RORA: variants seen among roughly 807,000 people sequenced by gnomAD.
The protein encoded by RORA is nuclear receptor ROR-alpha.
In RORA, 7 loss-of-function variants were observed where a neutral mutation model predicts 69.5. The observed-to-expected ratio is 0.10, with a 90% CI of 0.06 to 0.19. The LOEUF (loss-of-function observed/expected upper bound fraction) is 0.19, where lower values mean the gene tolerates loss of function less well. Ranked by LOEUF, RORA falls within the 10% of genes least tolerant of loss-of-function variation. The probability of loss-of-function intolerance (pLI) is 1.00; values close to 1 mark genes in which losing one functional copy is unlikely to be tolerated. For synonymous variants in RORA, 261 were observed against 240.8 expected (o/e 1.08, Z -0.78); for missense variants, 457 against 663.0 (o/e 0.69, Z 3.41).
chr15:60,906,542 CCT>C (rs895490594), intron 1 of RORA, among the ~76,000 whole-genome samples: 1 of 152,190 alleles, frequency 6.6e-6, no homozygotes, highest in African/African-American at 2.4e-5. Flanking sequence ...GAAATCTCTC[CCT>C]CTCTCAGATA....
intron 1 of RORA, among the ~76,000 whole-genome samples, chr15:61,110,016 C>T (rs1322240293): frequency 6.7e-6 from 1 of 150,160 alleles, no homozygotes; most frequent in Non-Finnish European, 1.5e-5. Context: ...GTGATGTAGC[C>T]ATCAAAATGT....
Position 60,913,111 on chromosome 15 carries a change from C to T in RORA, c.167-234425G>A, listed in dbSNP as rs1891776140. Among the ~76,000 whole-genome samples, 4 of 152,244 alleles carry T rather than the reference C, an allele frequency of 2.6e-5. No individual in the cohort carries two copies. The South Asian group carries it at 8.3e-4, about 32-fold the overall frequency. ...GATAATCTGCCTAAAGTAGGCTCCACAAAACACTGGGTAAGGGCAGCCACG... is the reference window on the plus strand; with the variant it reads ...GATAATCTGCCTAAAGTAGGCTCCATAAAACACTGGGTAAGGGCAGCCACG... On this transcript the variant is annotated intron_variant, in intron 1 of 10. Transcript: ENST00000335670.
chr15:61,088,090 G>A (rs1776337426), intron 1 of RORA, among the ~76,000 whole-genome samples: 1 of 152,206 alleles, frequency 6.6e-6, no homozygotes, highest in Non-Finnish European at 1.5e-5. Context: ...GCCAGGTGCT[G>A]GGCTAGGCTC....
At chr15:61,036,194 G>A (rs1050574748) in intron 1 of RORA, among the ~76,000 whole-genome samples, 4 of 152,160 alleles carry the variant, frequency 2.6e-5, no homozygotes, top group Admixed American at 1.3e-4. Context: ...GAAAATTCCC[G>A]CAAGGAGGTC....
At chr15:60,613,780 G>A (rs1416587866) in intron 2 of RORA, among the ~76,000 whole-genome samples, 1 of 139,150 alleles carries the variant, frequency 7.2e-6, no homozygotes, top group Non-Finnish European at 1.5e-5. Context: ...AAAAAAAAAA[G>A]GTGTCAAAGG....
At chr15:60,699,845 TA>T (rs372408592) in intron 1 of RORA, among the ~76,000 whole-genome samples, 6,523 of 145,908 alleles carry the variant, frequency 0.045, 201 homozygotes, top group Non-Finnish European at 0.061. Flanking sequence ...CTGATTCTAT[TA>T]AAAAAAAAAA....
chr15:60,794,556 AG>A (rs1363208020), intron 1 of RORA, among the ~76,000 whole-genome samples: 5 of 152,228 alleles, frequency 3.3e-5, no homozygotes, highest in Non-Finnish European at 7.3e-5. Flanking sequence ...GCTTGCTTTT[AG>A]ATATCCAAAG....
intron 2 of RORA, among the ~76,000 whole-genome samples, chr15:60,542,194 C>T (rs1215966470): frequency 2.0e-5 from 3 of 152,170 alleles, no homozygotes; most frequent in African/African-American, 2.4e-5. Flanking sequence ...CATTTCACAT[C>T]GGATGGAAAC....
chr15:60,569,061 T>C (rs2067799482), intron 2 of RORA, among the ~76,000 whole-genome samples: 1 of 152,028 alleles, frequency 6.6e-6, no homozygotes, highest in African/African-American at 2.4e-5. Context: ...CTCTATCTTC[T>C]GGCATTTAGA....
At chr15:60,548,919 C>CCA in intron 2 of RORA, among the ~76,000 whole-genome samples, 1 of 152,222 alleles carries the variant, frequency 6.6e-6, no homozygotes, top group East Asian at 1.9e-4. Flanking sequence ...GCCACCGCGC[C>CCA]TGGCCAATAG....
intron 1 of RORA, among the ~76,000 whole-genome samples, chr15:60,851,164 A>T (rs556348370): frequency 6.6e-6 from 1 of 152,326 alleles, no homozygotes; most frequent in East Asian, 1.9e-4. Flanking sequence ...ACATATACAC[A>T]CATAAATAGA....
chr15:60,926,498 G>C (rs1294246805), intron 1 of RORA, among the ~76,000 whole-genome samples: 3 of 152,226 alleles, frequency 2.0e-5, no homozygotes, highest in South Asian at 2.1e-4. Flanking sequence ...CAGTGAAACA[G>C]AACATCGAAT....
At chr15:60,793,848 C>T (rs1241690890) in intron 1 of RORA, among the ~76,000 whole-genome samples, 2 of 152,184 alleles carry the variant, frequency 1.3e-5, no homozygotes, top group East Asian at 1.9e-4. Flanking sequence ...TAGCCTTCCT[C>T]AGTCCTGATG....
intron 1 of RORA, among the ~76,000 whole-genome samples, chr15:60,900,666 A>G (rs59895179): frequency 0.022 from 3,357 of 152,138 alleles, 115 homozygotes; most frequent in African/African-American, 0.077. Flanking sequence ...GAGGTCAAGA[A>G]ATCGAGACCA....
chr15:60,735,881 C>T (rs1324724670), intron 1 of RORA, among the ~76,000 whole-genome samples: 1 of 152,216 alleles, frequency 6.6e-6, no homozygotes, highest in African/African-American at 2.4e-5. Context: ...AAGGTCAACT[C>T]ACCATTGGAG....
At chr15:60,969,798 G>A (rs1302409728) in intron 1 of RORA, among the ~76,000 whole-genome samples, 1 of 152,174 alleles carries the variant, frequency 6.6e-6, no homozygotes, top group Non-Finnish European at 1.5e-5. Flanking sequence ...CTGCAACCTT[G>A]CACTAGTTTC....
At chr15:61,223,844 G>T (rs1596084333) in intron 1 of RORA, among the ~76,000 whole-genome samples, 1 of 152,106 alleles carries the variant, frequency 6.6e-6, no homozygotes, top group East Asian at 1.9e-4. Flanking sequence ...GAAAAATCAT[G>T]GTTTACTGTG....
chr15:61,163,152 T>C (rs574273733), intron 1 of RORA, among the ~76,000 whole-genome samples: 2 of 152,344 alleles, frequency 1.3e-5, no homozygotes, highest in South Asian at 2.1e-4. Context: ...TCCAGTTAAC[T>C]ATCTATTTCT....
At chr15:61,210,351 A>G (rs564818306) in intron 1 of RORA, among the ~76,000 whole-genome samples, 1 of 152,366 alleles carries the variant, frequency 6.6e-6, no homozygotes, top group Admixed American at 6.5e-5. Flanking sequence ...TAAAATGGAA[A>G]GAAAAATTCC....
Sources: gnomAD v4.1 joint callset for allele counts (sites outside exome capture counted in the v4.1 genomes callset) on GRCh38, gnomAD v4.1.1 for gene constraint, MANE v1.5 for transcripts, NCBI Gene and HGNC (gene_info 2026-07-23, HGNC 2026-07-21) for gene names.